GULP1: variants seen among roughly 807,000 people sequenced by gnomAD.
GULP1 encodes the protein PTB domain-containing engulfment adapter protein 1.
Under a neutral mutation model 40.9 loss-of-function variants are expected in GULP1, and 19 were observed. The observed-to-expected ratio is 0.46, with a 90% confidence interval of 0.32 to 0.68. The LOEUF (loss-of-function observed/expected upper bound fraction) is 0.68. Among genes scored for constraint, GULP1 ranks in the 30% least tolerant of loss-of-function variants. The probability of loss-of-function intolerance (pLI) is 0.03; values close to 1 mark genes in which losing one functional copy is unlikely to be tolerated. For synonymous variants in GULP1, 119 were observed against 117.6 expected, an observed-to-expected ratio of 1.01 and a Z score of -0.08; for missense variants, 312 against 362.2, an observed-to-expected ratio of 0.86 and a Z score of 1.12.
chr2:188,340,480 AG>A (rs1319493372), intron 1 of GULP1, among the ~76,000 whole-genome samples: 1 of 152,154 alleles, frequency 6.6e-6, no homozygotes, highest in South Asian at 2.1e-4. Context: ...CACCAGCAGG[AG>A]CAAAACTCTG....
intron 4 of GULP1, among the ~76,000 whole-genome samples, chr2:188,505,194 C>T (rs981212986): frequency 6.6e-6 from 1 of 151,634 alleles, no homozygotes; most frequent in Non-Finnish European, 1.5e-5. Context: ...GAATAAAAAC[C>T]AATTCTTTCA....
At chr2:188,293,428 A>G (rs1427103696) in intron 1 of GULP1, among the ~76,000 whole-genome samples, 1 of 152,238 alleles carries the variant, frequency 6.6e-6, no homozygotes, top group Non-Finnish European at 1.5e-5. Context: ...ACTGATTTCT[A>G]GGACTAGCAG....
intron 1 of GULP1, among the ~76,000 whole-genome samples, chr2:188,341,893 T>A (rs188768959): frequency 6.6e-6 from 1 of 152,310 alleles, no homozygotes; most frequent in African/African-American, 2.4e-5. Context: ...CTCTACAACT[T>A]GTGGTTTGTA....
At chr2:188,297,919 A>G (rs2035336553) in intron 1 of GULP1, among the ~76,000 whole-genome samples, 1 of 152,092 alleles carries the variant, frequency 6.6e-6, no homozygotes, top group African/African-American at 2.4e-5. Context: ...TAGCTTCTCA[A>G]TTTTTTTCAT....
At chr2:188,386,623 A>G (rs1378551768) in intron 2 of GULP1, among the ~76,000 whole-genome samples, 3 of 152,068 alleles carry the variant, frequency 2.0e-5, no homozygotes, top group Non-Finnish European at 4.4e-5. Flanking sequence ...TATGTACATC[A>G]CTTGGTTTGC....
At chr2:188,441,015 G>T (rs1307919727) in intron 2 of GULP1, among the ~76,000 whole-genome samples, 1 of 152,106 alleles carries the variant, frequency 6.6e-6, no homozygotes, top group African/African-American at 2.4e-5. Flanking sequence ...ATCCTAGTTT[G>T]GTTTGCATAT....
rs1575065735 is a variant in GULP1 at position 188,408,445 on chromosome 2, G to A, written c.-45+24556G>A. ...AATAAGGTCATTATATAATGACAAAGGGACCAATTCATCAATAAGATGTAA... is the reference window on the plus strand; with the variant it reads ...AATAAGGTCATTATATAATGACAAAAGGACCAATTCATCAATAAGATGTAA... On this transcript the variant is annotated intron_variant, in intron 2 of 11. Coordinates refer to ENST00000409830, the MANE Select transcript of GULP1 (RefSeq NM_016315.4). Among the ~76,000 whole-genome samples, 4 of 152,188 alleles carry A rather than the reference G, an allele frequency of 2.6e-5. No homozygotes were observed. In the Middle Eastern group the frequency reaches 0.01, roughly 388 times the overall value.
At chr2:188,433,297 T>G (rs2057081933) in intron 2 of GULP1, among the ~76,000 whole-genome samples, 1 of 152,124 alleles carries the variant, frequency 6.6e-6, no homozygotes. Flanking sequence ...TATTTTTCTT[T>G]AAGGGAGGAA....
At chr2:188,564,537 G>A (rs951461020) in intron 7 of GULP1, among the ~76,000 whole-genome samples, 1 of 151,778 alleles carries the variant, frequency 6.6e-6, no homozygotes, top group Non-Finnish European at 1.5e-5. Flanking sequence ...CCTCTATACT[G>A]AAATCTTCAA....
At chr2:188,402,709 C>A (rs1457466283) in intron 2 of GULP1, among the ~76,000 whole-genome samples, 1 of 151,922 alleles carries the variant, frequency 6.6e-6, no homozygotes, top group African/African-American at 2.4e-5. Context: ...TATCTATCTG[C>A]TTAATAGGCC....
At chr2:188,434,786 TTGCTTTTAG>T (rs2057248308) in intron 2 of GULP1, among the ~76,000 whole-genome samples, 1 of 151,952 alleles carries the variant, frequency 6.6e-6, no homozygotes, top group African/African-American at 2.4e-5. Context: ...ATTTTCTTAA[TTGCTTTTAG>T]CTCATTTTGA....
intron 1 of GULP1, among the ~76,000 whole-genome samples, chr2:188,376,900 G>T (rs868691185): frequency 1.3e-5 from 2 of 152,120 alleles, no homozygotes; most frequent in Non-Finnish European, 2.9e-5. Context: ...TGGGCCGGGC[G>T]CAGTGGCTCA....
rs577738679 is a variant in GULP1 at position 188,411,983 on chromosome 2, G to A, written c.-45+28094G>A. Among the ~76,000 whole-genome samples the A allele has an allele frequency of 1.1e-3, 174 of 152,294 alleles. 8 individuals are homozygous for A. In the South Asian group the frequency reaches 0.032, roughly 28 times the overall value. On this transcript the variant is annotated intron_variant, in intron 2 of 11. Coordinates refer to ENST00000409830, the MANE Select transcript of GULP1 (RefSeq NM_016315.4). ...TCTTCCTCTGTGAACTGATCATAGGGAACTCCCCGTGAGGCCATCAGTGCA... is the reference window on the plus strand; with the variant it reads ...TCTTCCTCTGTGAACTGATCATAGGAAACTCCCCGTGAGGCCATCAGTGCA...
intron 1 of GULP1, among the ~76,000 whole-genome samples, chr2:188,343,090 C>A (rs1333425721): frequency 6.6e-6 from 1 of 151,952 alleles, no homozygotes; most frequent in Non-Finnish European, 1.5e-5. Context: ...AAGACAAAGA[C>A]ACACTAAAGT....
chr2:188,390,682 C>T lies in GULP1; in HGVS notation c.-45+6793C>T, dbSNP rs1263009839. Among the ~76,000 whole-genome samples, 3 of 152,000 alleles carry T rather than the reference C, an allele frequency of 2.0e-5. No homozygotes were observed. In the East Asian group the frequency reaches 5.8e-4, roughly 29 times the overall value. On this transcript the variant is annotated intron_variant, in intron 2 of 11. Coordinates refer to ENST00000409830, the MANE Select transcript of GULP1 (RefSeq NM_016315.4). The stretch of plus-strand genomic sequence containing the variant: ...GCTTTTGTGGTCTTAGTCATAAATT[C>T]TTTGCCTAGGCTGAAGTTCAGAAGA...
intron 7 of GULP1, among the ~76,000 whole-genome samples, chr2:188,563,052 T>C (rs1339799177): frequency 3.3e-5 from 5 of 152,156 alleles, no homozygotes; most frequent in Non-Finnish European, 5.9e-5. Flanking sequence ...CTTTCAATCT[T>C]TATGTAAGAA....
intron 1 of GULP1, among the ~76,000 whole-genome samples, chr2:188,381,137 G>A (rs1362446338): frequency 6.6e-6 from 1 of 152,228 alleles, no homozygotes; most frequent in East Asian, 1.9e-4. Context: ...GCCAGTCTGA[G>A]TTTTGCAAGA....
intron 4 of GULP1, among the ~76,000 whole-genome samples, chr2:188,511,778 TGAG>T (rs1046410741): frequency 5.9e-5 from 9 of 152,106 alleles, no homozygotes; most frequent in East Asian, 3.9e-4. Flanking sequence ...TATAATAAAA[TGAG>T]GAACAAATAT....
intron 3 of GULP1, among the ~76,000 whole-genome samples, chr2:188,480,328 C>T (rs1427163235): frequency 1.3e-5 from 2 of 151,974 alleles, no homozygotes; most frequent in African/African-American, 4.8e-5. Flanking sequence ...GGTCTTCTAT[C>T]AGTAAAAGCT....
Sources: allele counts gnomAD v4.1 joint callset (sites outside exome capture counted in the v4.1 genomes callset), GRCh38; gene constraint gnomAD v4.1.1; transcripts MANE v1.5; gene names NCBI Gene and HGNC (gene_info 2026-07-23, HGNC 2026-07-21).